Variants in KPNA7 observed in about 807,000 individuals in gnomAD.
KPNA7 encodes the protein karyopherin subunit alpha 7, also known as importin subunit alpha-8.
In KPNA7, 54 loss-of-function variants were observed where a neutral mutation model predicts 53.7. That is an observed-to-expected ratio of 1.01 (90% CI 0.81 to 1.26). KPNA7 has a LOEUF of 1.26. KPNA7 is among the 50% of genes most tolerant of loss of function. KPNA7 has a pLI of 0.00. For synonymous variants in KPNA7, 276 were observed against 259.3 expected (o/e 1.06, Z -0.62); for missense variants, 640 against 644.5 (o/e 0.99, Z 0.07).
the KPNA7 span, among the ~76,000 whole-genome samples, chr7:99,150,423 C>CCTTTTTTTTTT: frequency 7.6e-6 from 1 of 132,446 alleles, no homozygotes; most frequent in Non-Finnish European, 1.6e-5. Flanking sequence ...TCATTCTTCT[C>CCTTTTTTTTTT]TTTTTTTTGA....
intron 5 of KPNA7, among the ~76,000 whole-genome samples, chr7:99,193,321 A>T (rs1337973157): frequency 1.3e-4 from 20 of 152,246 alleles, no homozygotes; most frequent in Non-Finnish European, 2.5e-4. Flanking sequence ...AGCAACTGCT[A>T]GAAGCAGAGC....
intron 10 of KPNA7, among the ~76,000 whole-genome samples, chr7:99,176,320 AG>A (rs201324381): frequency 0.044 from 2,985 of 68,286 alleles, 133 homozygotes; most frequent in African/African-American, 0.089. Flanking sequence ...AAAGAAAGAA[AG>A]AAAGAAAGAA....
In KPNA7 at chr7:99,195,056, G is replaced by A; in HGVS notation, c.553+14C>T. The A allele has an allele frequency of 6.4e-7, 1 of 1,550,416 alleles. No homozygotes were observed. Among genetic ancestry groups the A allele is most frequent in the Non-Finnish European group, 8.7e-7 (1 of 1,146,034 alleles). ...TGGCCCCGTTTTCTTAGCCCACTAA[G>A]GGGAGAGTCTCACCGGCTATATTAC... On this transcript the variant is annotated intron_variant, in intron 5 of 10. Transcript: ENST00000327442.
chr7:99,174,452 C>T (rs1798831693), intron 10 of KPNA7, among the ~76,000 whole-genome samples: 1 of 152,086 alleles, frequency 6.6e-6, no homozygotes, highest in African/African-American at 2.4e-5. Flanking sequence ...ATCCCCTCAC[C>T]CCCCAGCCTG....
rs370669931 is a variant in KPNA7, at chr7:99,198,700, T to TC, written c.202-2535dup. On this transcript the variant is annotated intron_variant, in intron 3 of 10. Coordinates refer to ENST00000327442, the MANE Select transcript of KPNA7 (RefSeq NM_001145715.3). ...CTTAATGGTGAAAGTCTAAAAGATTTCCCCCAAGATCAGGAATAAGACAAG... is the reference window on the plus strand; with the variant it reads ...CTTAATGGTGAAAGTCTAAAAGATTTCCCCCCAAGATCAGGAATAAGACAAG... Among the ~76,000 whole-genome samples, 106 of 152,172 alleles carry TC rather than the reference T, an allele frequency of 7.0e-4. 1 individual carries two copies. Among genetic ancestry groups the TC allele is most frequent in the African/African-American group, 2.4e-3 (100 of 41,532 alleles).
chr7:99,185,270 G>A (rs1789522408), intron 7 of KPNA7, 108 bp from the exon 8 acceptor site: 1 of 751,382 alleles, frequency 1.3e-6, no homozygotes, highest in Non-Finnish European at 2.2e-6. Context: ...TATAGCCGAT[G>A]GTTGTCTGAC....
At chr7:99,202,545 T>G (rs1379639630) in intron 3 of KPNA7, among the ~76,000 whole-genome samples, 2 of 152,012 alleles carry the variant, frequency 1.3e-5, no homozygotes, top group African/African-American at 4.8e-5. Flanking sequence ...AATTTTCAAT[T>G]AGAAATATCA....
chr7:99,204,205 CCT>C (rs1276006074), intron 2 of KPNA7, among the ~76,000 whole-genome samples: 1 of 151,808 alleles, frequency 6.6e-6, no homozygotes, highest in Admixed American at 6.6e-5. Flanking sequence ...ATAGCAAGAC[CCT>C]GTTTCTACCA....
Position 99,188,455 on chromosome 7 carries a change from G to A in KPNA7, c.745C>T (p.Leu249Phe), listed in dbSNP as rs1375991008. Residue 249 changes from leucine (L) to phenylalanine (F), a missense_variant, in exon 7 of 11, where the codon CTC (leucine) becomes TTC (phenylalanine). By Grantham distance (22) the Leu-to-Phe change is conservative (BLOSUM62 0). Coordinates refer to ENST00000327442, the MANE Select transcript of KPNA7 (RefSeq NM_001145715.3). ...ACCTCACTGTCCTGGTGCTGCAGGA[G>A]GTGAAGGAGGGCCGGCAGTATCTGC... ...VKQILPALLH[L>F]LQHQDSEVLS... 5 of 1,551,730 alleles carry A rather than the reference G, an allele frequency of 3.2e-6. No homozygotes were observed. Among genetic ancestry groups the A allele is most frequent in the Non-Finnish European group, 4.4e-6 (5 of 1,147,016 alleles).
At chr7:99,161,762 CT>C in the KPNA7 span, among the ~76,000 whole-genome samples, 6 of 152,062 alleles carry the variant, frequency 3.9e-5, no homozygotes, top group South Asian at 6.2e-4. Flanking sequence ...TGAACCCCTT[CT>C]TTTACAGATG....
At chr7:99,146,742 AAAAAAACAACG>A in the KPNA7 span, among the ~76,000 whole-genome samples, 6 of 101,600 alleles carry the variant, frequency 5.9e-5, no homozygotes, top group African/African-American at 2.1e-4. Context: ...AAAAAAAAAA[AAAAAAACAACG>A]GAAAATGCAT....
intron 5 of KPNA7, 69 bp downstream of exon 5, chr7:99,195,001 C>G (rs573419173): frequency 9.0e-5 from 134 of 1,490,204 alleles, no homozygotes; most frequent in Admixed American, 4.8e-4. Flanking sequence ...ACCCCACCAC[C>G]CAAAGAAACC....
At chr7:99,169,633 C>A (rs1011166887), downstream of KPNA7, among the ~76,000 whole-genome samples, 3 of 151,734 alleles carry the variant, frequency 2.0e-5, no homozygotes, top group Admixed American at 1.3e-4. Context: ...AGATAAATAA[C>A]CTGACCTTGT....
Position 99,203,109 on chromosome 7 carries a change from C to A in KPNA7, c.198G>T (p.Val66=). 6.4e-7 allele frequency: 1 copy of A among 1,551,674 alleles called. No individual in the cohort carries two copies. The highest frequency in any genetic ancestry group is 8.7e-7 in the Non-Finnish European group (1 of 1,146,986). The change falls in exon 3 of 11, where the codon GTG becomes GTT. Residue 66 remains valine, a synonymous_variant. Transcript: ENST00000327442. The stretch of plus-strand genomic sequence containing the variant: ...ACTCTAAACACTACATACTGACCGC[C>A]ACCCCTTTGGCTGTTTTTTCAGAAG... ...DTPSEKTAKG[V]AVSLTLGEII... is the part of the protein sequence containing the mutation.
At chr7:99,197,324 A>G (rs559525972) in intron 3 of KPNA7, among the ~76,000 whole-genome samples, 1 of 152,326 alleles carries the variant, frequency 6.6e-6, no homozygotes, top group East Asian at 1.9e-4. Context: ...ATTAGCTCAA[A>G]CTACTAAACG....
intron 1 of KPNA7, 95 bp from the exon 2 acceptor site, chr7:99,207,584 T>C (rs1790880695): frequency 2.3e-6 from 1 of 429,144 alleles, no homozygotes; most frequent in Non-Finnish European, 4.7e-6. Flanking sequence ...GGGCTCACAG[T>C]GGAGCAAAGG....
At chr7:99,165,357 C>A in the KPNA7 span, among the ~76,000 whole-genome samples, 1 of 151,392 alleles carries the variant, frequency 6.6e-6, no homozygotes, top group East Asian at 1.9e-4. Context: ...GATCTGCCAC[C>A]TAGGGCATCC....
chr7:99,159,819 T>G, the KPNA7 span, among the ~76,000 whole-genome samples: 3 of 152,066 alleles, frequency 2.0e-5, no homozygotes, highest in African/African-American at 7.2e-5. Context: ...TTTGGTGGTA[T>G]CAGAATACAA....
intron 1 of KPNA7, among the ~76,000 whole-genome samples, chr7:99,217,508 A>T (rs1392814724): frequency 6.6e-6 from 1 of 151,942 alleles, no homozygotes; most frequent in Non-Finnish European, 1.5e-5. Flanking sequence ...GCATTGGTCC[A>T]CAAGCTGAGG....
Sources: allele counts gnomAD v4.1 joint callset (sites outside exome capture counted in the v4.1 genomes callset), GRCh38; gene constraint gnomAD v4.1.1; transcripts MANE v1.5; gene names NCBI Gene and HGNC (gene_info 2026-07-23, HGNC 2026-07-21).